The following ALK variants were observed in gnomAD, a reference collection of about 807,000 sequenced individuals.
ALK encodes ALK receptor tyrosine kinase.
ALK carries 74 observed loss-of-function variants against 163.1 expected under a neutral mutation model. The ratio of observed to expected loss-of-function variants is 0.45; its 90% CI spans 0.38 to 0.55. The LOEUF is 0.55. Ranked by LOEUF, ALK falls within the 20% of genes least tolerant of loss-of-function variation. The probability of loss-of-function intolerance (pLI) is 0.00; values close to 1 mark genes in which losing one functional copy is unlikely to be tolerated. For synonymous variants in ALK, 960 were observed against 843.2 expected, an observed-to-expected ratio of 1.14 and a Z score of -2.40; for missense variants, 2,063 against 2,105.3, an observed-to-expected ratio of 0.98 and a Z score of 0.39.
chr2:29,458,918 A>G (rs1179252758), intron 4 of ALK, among the ~76,000 whole-genome samples: 1 of 152,128 alleles, frequency 6.6e-6, no homozygotes, highest in Non-Finnish European at 1.5e-5. Context: ...TCTACCCAAG[A>G]ACACCTGCTT....
At chr2:29,215,423 A>G (rs1669575807) in intron 23 of ALK, among the ~76,000 whole-genome samples, 1 of 152,134 alleles carries the variant, frequency 6.6e-6, no homozygotes, top group Non-Finnish European at 1.5e-5. Context: ...GACAACTGAG[A>G]GTGGATAGTT....
chr2:29,284,213 G>A (rs543658798), intron 9 of ALK, among the ~76,000 whole-genome samples: 5 of 152,292 alleles, frequency 3.3e-5, no homozygotes. Context: ...ACACCAGTCA[G>A]GCAGCTGGAA....
chr2:29,697,225 GCCAGC>G (rs1338596600), intron 2 of ALK, among the ~76,000 whole-genome samples: 1 of 152,134 alleles, frequency 6.6e-6, no homozygotes, highest in Non-Finnish European at 1.5e-5. Context: ...AGCCTGCTTT[GCCAGC>G]CCTATAATCT....
chr2:29,258,954 T>C (rs1171952491), intron 11 of ALK, among the ~76,000 whole-genome samples: 1 of 152,228 alleles, frequency 6.6e-6, no homozygotes, highest in Non-Finnish European at 1.5e-5. Flanking sequence ...TGCATGCATA[T>C]ATGTATATCA....
intron 1 of ALK, among the ~76,000 whole-genome samples, chr2:29,767,547 A>G (rs1419169890): frequency 1.3e-5 from 2 of 152,164 alleles, no homozygotes; most frequent in Admixed American, 6.5e-5. Flanking sequence ...TCACAAACAT[A>G]TGTCCTACTT....
chr2:29,858,983 GGATTACATCACTGCACTC>G (rs1411409360), intron 1 of ALK, among the ~76,000 whole-genome samples: 1 of 149,618 alleles, frequency 6.7e-6, no homozygotes, highest in African/African-American at 2.5e-5. Context: ...CAGTGAGCCA[GGATTACATCACTGCACTC>G]CAGCCTGAGC....
intron 1 of ALK, among the ~76,000 whole-genome samples, chr2:29,840,303 A>G (rs558634649): frequency 5.6e-4 from 85 of 152,278 alleles, no homozygotes; most frequent in Middle Eastern, 6.8e-3. Context: ...ATGTCCTACA[A>G]ATGCTTGGAG....
intron 4 of ALK, among the ~76,000 whole-genome samples, chr2:29,514,818 A>G (rs1044673150): frequency 1.8e-4 from 28 of 152,106 alleles, no homozygotes; most frequent in African/African-American, 6.0e-4. Flanking sequence ...ACTTTTCTCT[A>G]TGCCTCACTC....
intron 3 of ALK, among the ~76,000 whole-genome samples, chr2:29,564,508 C>A (rs1303286005): frequency 6.6e-6 from 1 of 152,054 alleles, no homozygotes; most frequent in African/African-American, 2.4e-5. Flanking sequence ...TGGCAAAACG[C>A]CATCTCCTAG....
rs2293564 is a variant in ALK at position 29,320,797 on chromosome 2, T to C, written c.1500A>G (p.Gln500=). The C allele has an allele frequency of 0.89, 1,443,420 of 1,613,924 alleles. 651,853 individuals carry two copies. Among genetic ancestry groups the C allele is most frequent in the Non-Finnish European group, 0.92 (1,086,430 of 1,179,966 alleles). The change falls in exon 7 of 29, where the codon CAA becomes CAG. Residue 500 remains glutamine, a synonymous_variant. Transcript: ENST00000389048. ...CATCCTTTAGGGTCCTGACCTGCCA[T>C]TGAGGAGTGTGGGGTGACAGTGTGC... ...TQGTLSPHTP[Q]WQVRTLKDAR...
chr2:29,366,406 G>A lies in ALK; in HGVS notation c.1282+17326C>T, dbSNP rs1668509031. Among the ~76,000 whole-genome samples the A allele has an allele frequency of 4.6e-5, 7 of 152,278 alleles. No individual in the cohort carries two copies. The South Asian group carries it at 1.5e-3, about 32-fold the overall frequency. ...CGCTTTGGTAGTCAGGGGAGTTGAG[G>A]AGGGCAGTGGGGAGCCCTTGGCAGA... On this transcript the variant is annotated intron_variant, in intron 5 of 28. Transcript: ENST00000389048.
intron 1 of ALK, among the ~76,000 whole-genome samples, chr2:29,766,323 G>A (rs1431846661): frequency 1.3e-5 from 2 of 152,134 alleles, no homozygotes; most frequent in Non-Finnish European, 1.5e-5. Context: ...AACCCTTCAG[G>A]CTGCTTAGGA....
chr2:29,687,840 T>C (rs570957846), intron 3 of ALK, among the ~76,000 whole-genome samples: 1 of 152,330 alleles, frequency 6.6e-6, no homozygotes, highest in East Asian at 1.9e-4. Flanking sequence ...ATATGTGTAA[T>C]TGTGGTATAA....
At position 29,888,206 on chromosome 2, in the gene ALK, G is replaced by A. The variant is rs188852457; in HGVS notation, c.667+31787C>T. Among the ~76,000 whole-genome samples, 144 of 150,916 alleles carry A rather than the reference G, an allele frequency of 9.5e-4. 3 individuals are homozygous for A. The highest frequency in any genetic ancestry group is 8.4e-3 in the Admixed American group (128 of 15,202). ...ACCATGGCTGTTCCTAGCTGTGGAGGATTGGGCCTGTAGACATTGAGCACA... is the reference window on the plus strand; with the variant it reads ...ACCATGGCTGTTCCTAGCTGTGGAGAATTGGGCCTGTAGACATTGAGCACA... On this transcript the variant is annotated intron_variant, in intron 1 of 28. Transcript: ENST00000389048.
intron 1 of ALK, among the ~76,000 whole-genome samples, chr2:29,895,427 T>C (rs1047313986): frequency 6.6e-6 from 1 of 152,184 alleles, no homozygotes; most frequent in Non-Finnish European, 1.5e-5. Flanking sequence ...AGTTTAAGAC[T>C]GAAAGGCTTG....
At chr2:29,261,389 A>T (rs577470838) in intron 11 of ALK, among the ~76,000 whole-genome samples, 4 of 124,398 alleles carry the variant, frequency 3.2e-5, no homozygotes, top group East Asian at 2.0e-4. Flanking sequence ...TGGAAAGATT[A>T]AAAAAAAAAA....
chr2:29,856,154 ACT>A (rs1194523832), intron 1 of ALK, among the ~76,000 whole-genome samples: 1 of 152,106 alleles, frequency 6.6e-6, no homozygotes, highest in African/African-American at 2.4e-5. Flanking sequence ...ACGACTCATA[ACT>A]CTAAGTTTCA....
At chr2:29,745,585 T>G (rs1253167268) in intron 1 of ALK, among the ~76,000 whole-genome samples, 1 of 152,158 alleles carries the variant, frequency 6.6e-6, no homozygotes, top group African/African-American at 2.4e-5. Context: ...AAAGGATCAG[T>G]GGTTCTTTGC....
intron 4 of ALK, among the ~76,000 whole-genome samples, chr2:29,385,943 G>T (rs894625969): frequency 6.6e-6 from 1 of 152,158 alleles, no homozygotes; most frequent in African/African-American, 2.4e-5. Flanking sequence ...GTCAAAATGT[G>T]TGCACATTTA....
Sources: allele counts gnomAD v4.1 joint callset (sites outside exome capture counted in the v4.1 genomes callset), GRCh38; gene constraint gnomAD v4.1.1; transcripts MANE v1.5; gene names NCBI Gene and HGNC (gene_info 2026-07-23, HGNC 2026-07-21).